NPAS2: variants seen among roughly 807,000 people sequenced by gnomAD.
NPAS2 encodes the protein neuronal PAS domain protein 2.
A neutral mutation model predicts 107.5 loss-of-function variants in NPAS2; 23 were observed. The observed-to-expected ratio is 0.21, with a 90% CI of 0.15 to 0.30. The LOEUF is 0.30. Among genes scored for constraint, NPAS2 ranks in the 10% least tolerant of loss-of-function variants. NPAS2 has a pLI of 1.00. For missense variants in NPAS2, 756 were observed against 1,043.3 expected (o/e 0.72, Z 3.79); for synonymous variants, 403 against 417.5 (o/e 0.97, Z 0.42).
At chr2:100,964,003 G>A in intron 7 of NPAS2, 55 bp from the exon 8 acceptor site, 1 of 1,120,464 alleles carries the variant, frequency 8.9e-7, no homozygotes. Flanking sequence ...CTAGGGATTG[G>A]CTGCTGTCAC....
Position 100,964,933 on chromosome 2 carries a change from C to T in NPAS2, c.790C>T (p.Leu264=). 1.9e-6 allele frequency: 3 copies of T among 1,567,366 alleles called. No homozygotes were observed. The highest frequency in any genetic ancestry group is 2.4e-5 in the East Asian group (1 of 42,160). The change falls in exon 9 of 21, where the codon CTG becomes TTG. Residue 264 remains leucine (L), a synonymous_variant. Coordinates refer to ENST00000335681, the MANE Select transcript of NPAS2 (RefSeq NM_002518.4). ...TAGCTTGGAATGGAAATTTTTATTT[C>T]TGGATCACAGGTTTGAGAAAAGAAA... The part of the protein sequence containing the change: ...RHSLEWKFLF[L]DHRAPPIIGY...
intron 1 of NPAS2, among the ~76,000 whole-genome samples, chr2:100,836,016 A>G (rs1282454019): frequency 6.6e-6 from 1 of 152,122 alleles, no homozygotes. Context: ...GTAGTGATTC[A>G]CTTAACTGAT....
intron 4 of NPAS2, chr2:100,935,088 G>T (rs1041693696): frequency 1.2e-5 from 12 of 982,546 alleles, no homozygotes; most frequent in Non-Finnish European, 1.4e-5. Context: ...AAATTGACCT[G>T]GCTGAAAAAA....
intron 4 of NPAS2, chr2:100,935,074 A>G (rs1046569935): frequency 2.0e-6 from 2 of 982,484 alleles, no homozygotes; most frequent in African/African-American, 3.6e-5. Context: ...AGTTTGAAAA[A>G]ACAAAATTGA....
At chr2:100,858,993 G>A (rs1328519262) in intron 1 of NPAS2, among the ~76,000 whole-genome samples, 1 of 152,188 alleles carries the variant, frequency 6.6e-6, no homozygotes, top group Admixed American at 6.5e-5. Context: ...GTCTGGGCAC[G>A]GTGGCTCACG....
At chr2:100,881,313 T>TC (rs1181037870) in intron 1 of NPAS2, among the ~76,000 whole-genome samples, 1 of 152,170 alleles carries the variant, frequency 6.6e-6, no homozygotes, top group Non-Finnish European at 1.5e-5. Flanking sequence ...ATGCAGCGTC[T>TC]CCCCTCCCCA....
At chr2:100,937,940 G>T (rs988102838) in intron 5 of NPAS2, 98 bp downstream of exon 5, 11 of 986,864 alleles carry the variant, frequency 1.1e-5, no homozygotes, top group African/African-American at 9.5e-5. Flanking sequence ...GTGTCAGGGG[G>T]CTGCAGGTGA....
Position 100,904,803 on chromosome 2 carries a change from C to A in NPAS2, c.32+17C>A. The A allele has an allele frequency of 6.3e-7, 1 of 1,592,570 alleles. No homozygotes were observed. The highest frequency in any genetic ancestry group is 8.6e-7 in the Non-Finnish European group (1 of 1,164,550). On this transcript the variant is annotated intron_variant, in intron 2 of 20. Coordinates refer to ENST00000335681, the MANE Select transcript of NPAS2 (RefSeq NM_002518.4). ...AGCCAAGAGGTAAGATGCAGCTGTC[C>A]CCCTGCTCAGCAGAGCTCTCTGGCC...
At chr2:100,939,792 G>A (rs984874577) in intron 5 of NPAS2, among the ~76,000 whole-genome samples, 4 of 152,138 alleles carry the variant, frequency 2.6e-5, no homozygotes, top group African/African-American at 4.8e-5. Context: ...CGTGGCAGAC[G>A]GGACTTAGAA....
Position 100,996,295 on chromosome 2 carries a change from C to G in NPAS2, c.*713C>G, listed in dbSNP as rs1678440613. Reference sequence around the variant, plus strand: ...CCATGCTGGTGGTGATTTTTTAGCCCCTAAATAAAACACTGGACTATTTCC... The same window carrying G: ...CCATGCTGGTGGTGATTTTTTAGCCGCTAAATAAAACACTGGACTATTTCC... On this transcript the variant is annotated 3_prime_UTR_variant, in exon 21 of 21. Transcript: ENST00000335681. The G allele has an allele frequency of 6.2e-6, 1 of 160,890 alleles. No homozygotes were observed. Among genetic ancestry groups the G allele is most frequent in the Admixed American group, 6.0e-5 (1 of 16,678 alleles). The allele number at this position is 160,890 out of a possible 1,614,324, so 10.0% of individuals were successfully genotyped here.
intron 1 of NPAS2, among the ~76,000 whole-genome samples, chr2:100,826,564 C>T (rs2104334056): frequency 6.6e-6 from 1 of 152,224 alleles, no homozygotes; most frequent in Admixed American, 6.5e-5. Context: ...TTAAAGGCTA[C>T]AGAGTATTAT....
chr2:100,973,106 G>T (rs6543003), intron 12 of NPAS2, among the ~76,000 whole-genome samples: 2 of 151,946 alleles, frequency 1.3e-5, no homozygotes, highest in Non-Finnish European at 2.9e-5. Flanking sequence ...TTCAACCCAG[G>T]AGGCAGAGGT....
intron 1 of NPAS2, among the ~76,000 whole-genome samples, chr2:100,875,923 G>A (rs1363441344): frequency 1.3e-5 from 2 of 152,166 alleles, no homozygotes; most frequent in Non-Finnish European, 2.9e-5. Context: ...GCACAGAAGG[G>A]AAATGGGAGG....
intron 16 of NPAS2, 100 bp from the exon 17 acceptor site, chr2:100,987,979 G>A: frequency 7.8e-7 from 1 of 1,284,322 alleles, no homozygotes; most frequent in Admixed American, 1.8e-5. Flanking sequence ...AGGCAGCTCA[G>A]AGCAAGAAAG....
At position 100,894,039 on chromosome 2, in the gene NPAS2, C is replaced by T. The variant is rs527261441; in HGVS notation, c.-22-10694C>T. ...CATTAGTCTTCTGTCTCACTGCTGACGCACTTGGGACCCAGGGCGGATATG... is the reference window on the plus strand; with the variant it reads ...CATTAGTCTTCTGTCTCACTGCTGATGCACTTGGGACCCAGGGCGGATATG... On this transcript the variant is annotated intron_variant, in intron 1 of 20. Transcript: ENST00000335681. 1.1e-4 allele frequency among the ~76,000 whole-genome samples: 17 copies of T among 152,334 alleles called. No individual in the cohort carries two copies. In the East Asian group the frequency reaches 1.2e-3, roughly 10 times the overall value.
At chr2:100,961,793 T>G (rs1675930897) in intron 7 of NPAS2, among the ~76,000 whole-genome samples, 1 of 152,200 alleles carries the variant, frequency 6.6e-6, no homozygotes, top group African/African-American at 2.4e-5. Flanking sequence ...AGCACAGGAA[T>G]GTAACAGCTG....
chr2:100,956,681 C>G (rs1675587235), intron 7 of NPAS2, among the ~76,000 whole-genome samples: 1 of 152,128 alleles, frequency 6.6e-6, no homozygotes, highest in Non-Finnish European at 1.5e-5. Context: ...GCCTCAGGCC[C>G]CAAACCAAAG....
chr2:100,837,301 C>G, intron 1 of NPAS2, among the ~76,000 whole-genome samples: 1 of 152,008 alleles, frequency 6.6e-6, no homozygotes. Flanking sequence ...CTAGGGATTG[C>G]CATTTTTATT....
At chr2:100,970,342 G>C (rs561779235) in intron 11 of NPAS2, among the ~76,000 whole-genome samples, 9 of 152,350 alleles carry the variant, frequency 5.9e-5, no homozygotes, top group Admixed American at 5.9e-4. Flanking sequence ...AGAACAGAGT[G>C]AATGAATCAG....
Sources: gnomAD v4.1 joint callset for allele counts (sites outside exome capture counted in the v4.1 genomes callset) on GRCh38, gnomAD v4.1.1 for gene constraint, MANE v1.5 for transcripts, NCBI Gene and HGNC (gene_info 2026-07-23, HGNC 2026-07-21) for gene names.